The following FAR1 variants were observed in gnomAD, a reference collection of about 807,000 sequenced individuals.
The protein encoded by FAR1 is fatty acyl-CoA reductase 1, also known as male sterility domain-containing protein 2.
Under a neutral mutation model 61.1 loss-of-function variants are expected in FAR1, and 22 were observed. The ratio of observed to expected loss-of-function variants is 0.36; its 90% CI spans 0.26 to 0.51. The LOEUF is 0.51. FAR1 is among the 20% of genes least tolerant of loss of function. The pLI, the probability that FAR1 is intolerant of heterozygous loss-of-function variation, is 0.95. For missense variants in FAR1, 359 were observed against 626.9 expected (o/e 0.57, Z 4.56); for synonymous variants, 206 against 209.7 (o/e 0.98, Z 0.15).
rs563567049 is a variant in FAR1, at chr11:13,668,751, G to C, written c.-63G>C. ...GAGCGCGACGGCGGCGGCGGCGGCG[G>C]CGCAGCTATTGCTGGACGGCCAGTG... On this transcript the variant is annotated 5_prime_UTR_variant, in exon 1 of 12. Coordinates refer to ENST00000354817, the MANE Select transcript of FAR1 (RefSeq NM_032228.6). 6.4e-6 allele frequency: 1 copy of C among 155,706 alleles called. No individual in the cohort carries two copies. Among genetic ancestry groups the C allele is most frequent in the Non-Finnish European group, 1.4e-5 (1 of 70,280 alleles). 9.6% of individuals were successfully genotyped at this position (155,706 alleles called of 1,614,324 possible).
chr11:13,715,354 A>G (rs1848544890), intron 9 of FAR1, among the ~76,000 whole-genome samples: 1 of 152,202 alleles, frequency 6.6e-6, no homozygotes, highest in Non-Finnish European at 1.5e-5. Flanking sequence ...ATCCTCCAAA[A>G]TTCCATAATA....
At position 13,707,988 on chromosome 11, in the gene FAR1, T is replaced by G; in HGVS notation, c.454T>G (p.Ser152Ala). The change falls in exon 4 of 12, where the codon TCA becomes GCA. Residue 152 changes from serine (S) to alanine (A), a missense_variant. Around this residue, in one of 2 missense-constraint regions of FAR1, gnomAD observed 344 missense variants for 570.3 expected, o/e 0.60. Coordinates refer to ENST00000354817, the MANE Select transcript of FAR1 (RefSeq NM_032228.6). Reference sequence around the variant, plus strand: ...GAATCTGGAAGTGTTCATGCATGTATCAACAGCATATGCCTACTGTAATCG... The same window carrying G: ...GAATCTGGAAGTGTTCATGCATGTAGCAACAGCATATGCCTACTGTAATCG... ...MKNLEVFMHV[S>A]TAYAYCNRKH... is the part of the protein sequence containing the mutation. 1 of 1,609,320 alleles carries G rather than the reference T, an allele frequency of 6.2e-7. No homozygotes were observed. The highest frequency in any genetic ancestry group is 8.5e-7 in the Non-Finnish European group (1 of 1,177,306).
chr11:13,692,933 T>C (rs1426146472), intron 1 of FAR1, among the ~76,000 whole-genome samples: 1 of 152,232 alleles, frequency 6.6e-6, no homozygotes, highest in Non-Finnish European at 1.5e-5. Flanking sequence ...ATTTTTCAAA[T>C]ATCTGGTGAT....
chr11:13,698,603 G>C (rs1179195845), intron 2 of FAR1, among the ~76,000 whole-genome samples: 1 of 152,010 alleles, frequency 6.6e-6, no homozygotes, highest in African/African-American at 2.4e-5. Flanking sequence ...GGTCAAGGTG[G>C]GGGGATCATG....
chr11:13,712,952 C>G lies in FAR1; in HGVS notation c.888-14C>G. ...TCTTATTATGATTAATTGGTTTCATCTTTGTCTTTGCAGACCAAGAAACAT... is the reference window on the plus strand; with the variant it reads ...TCTTATTATGATTAATTGGTTTCATGTTTGTCTTTGCAGACCAAGAAACAT... On this transcript the variant is annotated splice_polypyrimidine_tract_variant and intron_variant, in intron 7 of 11. Coordinates refer to ENST00000354817, the MANE Select transcript of FAR1 (RefSeq NM_032228.6). The G allele has an allele frequency of 6.2e-7, 1 of 1,610,554 alleles. No homozygotes were observed. The highest frequency in any genetic ancestry group is 8.5e-7 in the Non-Finnish European group (1 of 1,177,516).
intron 1 of FAR1, among the ~76,000 whole-genome samples, chr11:13,678,347 C>G (rs888436958): frequency 8.5e-5 from 13 of 152,158 alleles, no homozygotes; most frequent in Non-Finnish European, 1.9e-4. Context: ...TCACTGCAAG[C>G]TCCGCCTCCT....
At chr11:13,723,807 A>G (rs991390382) in intron 10 of FAR1, among the ~76,000 whole-genome samples, 14 of 152,190 alleles carry the variant, frequency 9.2e-5, no homozygotes, top group Non-Finnish European at 1.3e-4. Flanking sequence ...AGCTGTGTCT[A>G]AACTATCCAA....
intron 8 of FAR1, 109 bp from the exon 9 acceptor site, chr11:13,714,400 C>T (rs1022216352): frequency 8.9e-7 from 1 of 1,120,852 alleles, no homozygotes; most frequent in South Asian, 1.6e-5. Context: ...AATGTACGAA[C>T]TCTGACATCT....
intron 1 of FAR1, among the ~76,000 whole-genome samples, chr11:13,689,282 A>C (rs1053084898): frequency 6.6e-6 from 1 of 152,238 alleles, no homozygotes; most frequent in Non-Finnish European, 1.5e-5. Flanking sequence ...GAACATCACC[A>C]GAATCCCAGA....
chr11:13,689,474 CG>C (rs1018079779), intron 1 of FAR1, among the ~76,000 whole-genome samples: 1 of 152,174 alleles, frequency 6.6e-6, no homozygotes, highest in Non-Finnish European at 1.5e-5. Flanking sequence ...TTTTAGCGAT[CG>C]TTCCTTCATT....
intron 1 of FAR1, among the ~76,000 whole-genome samples, chr11:13,679,468 A>G (rs1028395821): frequency 2.6e-5 from 4 of 151,980 alleles, no homozygotes; most frequent in Admixed American, 1.3e-4. Flanking sequence ...TGTTAGAACT[A>G]TTTACTTTTT....
intron 10 of FAR1, among the ~76,000 whole-genome samples, chr11:13,722,916 G>T (rs1848627763): frequency 6.7e-6 from 1 of 150,054 alleles, no homozygotes; most frequent in Non-Finnish European, 1.5e-5. Flanking sequence ...TGTGCTTTCA[G>T]ATTTTCTCCT....
intron 1 of FAR1, among the ~76,000 whole-genome samples, chr11:13,682,710 G>GTGATCT (rs1452592820): frequency 6.6e-6 from 1 of 152,176 alleles, no homozygotes; most frequent in African/African-American, 2.4e-5. Context: ...CTGGGCTCAA[G>GTGATCT]TGATCCTTCC....
intron 10 of FAR1, among the ~76,000 whole-genome samples, chr11:13,724,574 G>A (rs1467604050): frequency 6.8e-6 from 1 of 147,546 alleles, no homozygotes; most frequent in Non-Finnish European, 1.5e-5. Context: ...AAAAAAGACT[G>A]TAGATTTGGG....
chr11:13,723,377 A>C, intron 10 of FAR1: 1 of 418,792 alleles, frequency 2.4e-6, no homozygotes, highest in Non-Finnish European at 4.6e-6. Context: ...AAAAAAAAAA[A>C]AAAAAACCCC....
chr11:13,725,365 C>T (rs577335778), intron 10 of FAR1, among the ~76,000 whole-genome samples: 36 of 150,936 alleles, frequency 2.4e-4, no homozygotes, highest in Non-Finnish European at 4.7e-4. Flanking sequence ...ATTTTAGCCA[C>T]TTAGGTGATA....
At chr11:13,673,558 G>GA (rs1206998919) in intron 1 of FAR1, among the ~76,000 whole-genome samples, 2 of 151,848 alleles carry the variant, frequency 1.3e-5, no homozygotes, top group South Asian at 2.1e-4. Flanking sequence ...ACCTTCAACT[G>GA]AAAAAAAATG....
At chr11:13,675,706 C>T (rs1050464465) in intron 1 of FAR1, among the ~76,000 whole-genome samples, 2 of 152,140 alleles carry the variant, frequency 1.3e-5, no homozygotes, top group Non-Finnish European at 2.9e-5. Context: ...TTTGTGCCAT[C>T]AGCTTTGGTG....
chr11:13,715,894 G>A (rs1312701892), intron 9 of FAR1: 1 of 151,934 alleles, frequency 6.6e-6, no homozygotes, highest in Non-Finnish European at 1.5e-5. Context: ...AAAAATAAAA[G>A]TGAGGTAACT....
Sources: gnomAD v4.1 joint callset for allele counts (sites outside exome capture counted in the v4.1 genomes callset) on GRCh38, gnomAD v4.1.1 for gene constraint, gnomAD v4.1.1 regional missense constraint, MANE v1.5 for transcripts, NCBI Gene and HGNC (gene_info 2026-07-23, HGNC 2026-07-21) for gene names.